OVCH1: variants seen among roughly 807,000 people sequenced by gnomAD.
The protein encoded by OVCH1 is ovochymase 1.
A neutral mutation model predicts 138.4 loss-of-function variants in OVCH1; 139 were observed. The ratio of observed to expected loss-of-function variants is 1.00; its 90% CI spans 0.87 to 1.16. The LOEUF is 1.16. OVCH1 is among the 50% of genes most tolerant of loss of function. The pLI, the probability that OVCH1 is intolerant of heterozygous loss-of-function variation, is 0.00. For missense variants in OVCH1, 1,367 were observed against 1,357.9 expected, an observed-to-expected ratio of 1.01 and a Z score of -0.11; for synonymous variants, 453 against 467.8, an observed-to-expected ratio of 0.97 and a Z score of 0.41.
exon 23 of OVCH1, chr12:29,445,354 T>A (rs1429749091): frequency 6.2e-7 from 1 of 1,611,334 alleles, no homozygotes; most frequent in Non-Finnish European, 8.5e-7. Context: ...TCACCAGCGG[T>A]CCAGGACTCA....
intron 27 of OVCH1, among the ~76,000 whole-genome samples, chr12:29,431,570 CTATT>C (rs10605697): frequency 0.17 from 26,164 of 152,058 alleles, 2,478 homozygotes; most frequent in African/African-American, 0.27. Context: ...CATTTTCCCC[CTATT>C]TAATTTATTG....
At chr12:29,447,536 C>T (rs990487448) in intron 22 of OVCH1, among the ~76,000 whole-genome samples, 10 of 152,082 alleles carry the variant, frequency 6.6e-5, no homozygotes, top group African/African-American at 2.4e-4. Context: ...GTGTTGACCT[C>T]ATTTGGAAGT....
chr12:29,403,799 G>A, the OVCH1 span, among the ~76,000 whole-genome samples: 4 of 152,164 alleles, frequency 2.6e-5, no homozygotes. Context: ...CTGTATCCCT[G>A]TGAGTAAAGT....
intron 4 of OVCH1, among the ~76,000 whole-genome samples, chr12:29,491,639 A>C (rs1943275554): frequency 6.6e-6 from 1 of 152,196 alleles, no homozygotes; most frequent in African/African-American, 2.4e-5. Context: ...AATGGTGGGA[A>C]GAGACTGTAA....
chr12:29,453,469 T>C (rs1941855521), intron 21 of OVCH1, among the ~76,000 whole-genome samples: 1 of 152,126 alleles, frequency 6.6e-6, no homozygotes, highest in Admixed American at 6.6e-5. Flanking sequence ...CACTTATCCT[T>C]ATGGTCAGCC....
At chr12:29,483,363 T>G (rs1181301390) in intron 8 of OVCH1, among the ~76,000 whole-genome samples, 1 of 152,206 alleles carries the variant, frequency 6.6e-6, no homozygotes. Context: ...CATCACAAGT[T>G]TGCCTGAGAC....
At chr12:29,491,270 ATTTCATGGC>A in intron 4 of OVCH1, 78 bp from the exon 5 acceptor site, 1 of 1,212,430 alleles carries the variant, frequency 8.2e-7, no homozygotes, top group Non-Finnish European at 1.2e-6. Context: ...AAATCTCTTG[ATTTCATGGC>A]TTCTACACTT....
At chr12:29,413,623 T>C (rs988495574) in intron 3 of OVCH1, among the ~76,000 whole-genome samples, 1 of 152,084 alleles carries the variant, frequency 6.6e-6, no homozygotes, top group African/African-American at 2.4e-5. Context: ...TGTGTTTATA[T>C]ATAAACAATG....
At chr12:29,469,618 G>A (rs1275789087) in intron 16 of OVCH1, among the ~76,000 whole-genome samples, 2 of 151,946 alleles carry the variant, frequency 1.3e-5, no homozygotes, top group Admixed American at 6.6e-5. Flanking sequence ...TGTGGGTCAC[G>A]CCTGTAATCC....
chr12:29,490,793 C>A (rs1404171825), intron 5 of OVCH1, among the ~76,000 whole-genome samples: 1 of 152,112 alleles, frequency 6.6e-6, no homozygotes, highest in Non-Finnish European at 1.5e-5. Context: ...ATATTAAAGA[C>A]AAAGAAGCTT....
chr12:29,497,269 C>CAAACAAAACA (rs61697247), intron 1 of OVCH1, among the ~76,000 whole-genome samples: 4,014 of 151,852 alleles, frequency 0.026, 165 homozygotes, highest in East Asian at 0.17. Flanking sequence ...CTCAAACAAA[C>CAAACAAAACA]AAACAAAACA....
At chr12:29,473,092 T>C in exon 15 of OVCH1, 1 of 1,606,486 alleles carries the variant, frequency 6.2e-7, no homozygotes, top group Non-Finnish European at 8.5e-7. Flanking sequence ...GGTTCAAATT[T>C]GTTTAAAGAC....
intron 3 of OVCH1, 100 bp downstream of exon 3, chr12:29,496,081 A>G (rs570288209): frequency 1.5e-5 from 17 of 1,104,680 alleles, no homozygotes; most frequent in Non-Finnish European, 2.1e-5. Context: ...GGCAAAAGTA[A>G]GAAAGGGACT....
intron 3 of OVCH1, among the ~76,000 whole-genome samples, chr12:29,418,488 AG>A (rs1458838925): frequency 6.6e-6 from 1 of 152,240 alleles, no homozygotes; most frequent in African/African-American, 2.4e-5. Context: ...CATAAATATA[AG>A]GAAGTTTTGA....
chr12:29,414,404 A>G (rs2135874469), intron 3 of OVCH1, among the ~76,000 whole-genome samples: 1 of 152,298 alleles, frequency 6.6e-6, no homozygotes, highest in South Asian at 2.1e-4. Context: ...TAATGAATGT[A>G]TCACAATTGA....
intron 26 of OVCH1, among the ~76,000 whole-genome samples, chr12:29,438,815 T>G (rs534065376): frequency 6.6e-6 from 1 of 152,342 alleles, no homozygotes; most frequent in African/African-American, 2.4e-5. Context: ...GTAGAAAATC[T>G]TAATATATAA....
intron 26 of OVCH1, among the ~76,000 whole-genome samples, chr12:29,438,024 T>C (rs1366986428): frequency 6.6e-6 from 1 of 152,204 alleles, no homozygotes; most frequent in East Asian, 1.9e-4. Flanking sequence ...ATGTATTTGC[T>C]TTTTAGTTTT....
chr12:29,416,515 C>T (rs193037396), intron 3 of OVCH1, among the ~76,000 whole-genome samples: 1 of 152,202 alleles, frequency 6.6e-6, no homozygotes, highest in East Asian at 1.9e-4. Flanking sequence ...GGGCTTGTCA[C>T]TGAAGAGGTT....
Position 29,475,194 on chromosome 12 carries a change from A to G in OVCH1, c.1472-5T>C. ...TCAACATTCCACAAAGTTTAGCTGAAAAAATTTTAGGAAAGTTTGATTTAT... is the reference window on the plus strand; with the variant it reads ...TCAACATTCCACAAAGTTTAGCTGAGAAAATTTTAGGAAAGTTTGATTTAT... On this transcript the variant is annotated splice_polypyrimidine_tract_variant and splice_region_variant and intron_variant, in intron 13 of 27. Transcript: ENST00000318184. 6.9e-7 allele frequency: 1 copy of G among 1,442,186 alleles called. No individual in the cohort carries two copies. The highest frequency in any genetic ancestry group is 9.2e-7 in the Non-Finnish European group (1 of 1,092,744). 89.3% of individuals were successfully genotyped at this position (1,442,186 alleles called of 1,614,324 possible).
Sources: gnomAD v4.1 joint callset for allele counts (sites outside exome capture counted in the v4.1 genomes callset) on GRCh38, gnomAD v4.1.1 for gene constraint, MANE v1.5 for transcripts, NCBI Gene and HGNC (gene_info 2026-07-23, HGNC 2026-07-21) for gene names.